GLRA3: variants seen among roughly 807,000 people sequenced by gnomAD.
GLRA3 encodes glycine receptor alpha 3.
Under a neutral mutation model 60.4 loss-of-function variants are expected in GLRA3, and 44 were observed. The ratio of observed to expected loss-of-function variants is 0.73; its 90% CI spans 0.57 to 0.94. The LOEUF is 0.94. Among genes scored for constraint, GLRA3 ranks in the 40% least tolerant of loss-of-function variants. The pLI, the probability that GLRA3 is intolerant of heterozygous loss-of-function variation, is 0.00. For missense variants in GLRA3, 508 were observed against 564.6 expected (o/e 0.90, Z 1.02); for synonymous variants, 223 against 192.9 (o/e 1.16, Z -1.29).
chr4:174,679,333 C>G (rs1003346840), intron 6 of GLRA3, among the ~76,000 whole-genome samples: 1 of 151,620 alleles, frequency 6.6e-6, no homozygotes, highest in African/African-American at 2.4e-5. Context: ...AAAAACAAAA[C>G]AAAACAAAGC....
chr4:174,733,782 G>C (rs138641320), intron 3 of GLRA3, among the ~76,000 whole-genome samples: 71 of 152,240 alleles, frequency 4.7e-4, no homozygotes, highest in African/African-American at 1.6e-3. Context: ...GGCCCTGCAT[G>C]GGATGCTGTG....
intron 1 of GLRA3, among the ~76,000 whole-genome samples, chr4:174,821,823 T>G (rs977960192): frequency 4.6e-5 from 7 of 152,198 alleles, no homozygotes; most frequent in African/African-American, 1.4e-4. Flanking sequence ...AGTTAATATC[T>G]TCTAAGGAGA....
chr4:174,742,284 G>T (rs6553815), intron 3 of GLRA3, among the ~76,000 whole-genome samples: 30,113 of 151,924 alleles, frequency 0.2, 4,394 homozygotes, highest in African/African-American at 0.42. Flanking sequence ...TATTATTCGA[G>T]GTTTTTAATA....
intron 3 of GLRA3, among the ~76,000 whole-genome samples, chr4:174,757,825 T>C (rs1214980172): frequency 3.9e-5 from 6 of 152,160 alleles, no homozygotes; most frequent in African/African-American, 1.2e-4. Context: ...ACAGTTTGGA[T>C]ATTTGCCCCT....
chr4:174,728,761 A>T (rs961849993), intron 3 of GLRA3, 63 bp from the exon 4 acceptor site: 6 of 1,037,564 alleles, frequency 5.8e-6, no homozygotes, highest in Non-Finnish European at 1.4e-6. Flanking sequence ...TAAAATCCAT[A>T]GTGTCAGTGT....
intron 3 of GLRA3, among the ~76,000 whole-genome samples, chr4:174,742,512 T>C (rs942648568): frequency 1.3e-5 from 2 of 152,144 alleles, no homozygotes; most frequent in Non-Finnish European, 2.9e-5. Flanking sequence ...AAATAGCCAC[T>C]GGGCTTTTAC....
At chr4:174,773,973 C>T (rs1388228339) in intron 2 of GLRA3, among the ~76,000 whole-genome samples, 5 of 110,592 alleles carry the variant, frequency 4.5e-5, no homozygotes, top group South Asian at 3.1e-4. Context: ...TGTACACCCA[C>T]AATAGGGAAG....
intron 4 of GLRA3, among the ~76,000 whole-genome samples, chr4:174,716,437 G>T (rs1271106322): frequency 6.6e-6 from 1 of 152,120 alleles, no homozygotes; most frequent in East Asian, 1.9e-4. Context: ...TGCTGGAAAA[G>T]CATTCTACCC....
At chr4:174,699,968 T>C (rs1443869923) in intron 5 of GLRA3, among the ~76,000 whole-genome samples, 1 of 152,038 alleles carries the variant, frequency 6.6e-6, no homozygotes, top group Non-Finnish European at 1.5e-5. Flanking sequence ...ACTCCCAGGA[T>C]ATGTTTTCTG....
chr4:174,712,841 A>T (rs1462478131), intron 5 of GLRA3: 2 of 152,082 alleles, frequency 1.3e-5, no homozygotes, highest in Non-Finnish European at 2.9e-5. Flanking sequence ...TGTTCTTAAA[A>T]CATGCATATA....
At chr4:174,731,856 T>A (rs1193854745) in intron 3 of GLRA3, among the ~76,000 whole-genome samples, 1 of 152,162 alleles carries the variant, frequency 6.6e-6, no homozygotes, top group African/African-American at 2.4e-5. Flanking sequence ...CACAACATTT[T>A]ACTAGGCAGG....
rs1485535917 is a variant in GLRA3, at chr4:174,829,001, G to GT, written c.-191dup. On this transcript the variant is annotated 5_prime_UTR_variant, in exon 1 of 10. Coordinates refer to ENST00000274093, the MANE Select transcript of GLRA3 (RefSeq NM_006529.4). ...TCTCAGCATTGAGCAGAAGTGGAGA[G>GT]TCACAGTGTTATAAATGTGCAGGTG... is the stretch of plus-strand genomic sequence containing the variant. The GT allele has an allele frequency of 1.8e-6, 1 of 567,410 alleles. No individual in the cohort carries two copies. Among genetic ancestry groups the GT allele is most frequent in the Non-Finnish European group, 3.2e-6 (1 of 316,742 alleles). The allele number at this position is 567,410 out of a possible 1,614,324, so 35.1% of individuals were successfully genotyped here. A position where few individuals can be genotyped will look rare whatever the true frequency, so the allele number is the denominator to read the frequency against.
intron 5 of GLRA3, among the ~76,000 whole-genome samples, chr4:174,685,214 C>A (rs931681766): frequency 6.6e-6 from 1 of 151,826 alleles, no homozygotes; most frequent in African/African-American, 2.4e-5. Context: ...TGATCACCTT[C>A]CACCCTCCCC....
intron 1 of GLRA3, among the ~76,000 whole-genome samples, chr4:174,819,047 G>A (rs914436982): frequency 1.3e-5 from 2 of 152,042 alleles, no homozygotes; most frequent in Non-Finnish European, 1.5e-5. Context: ...AAACTTGTAC[G>A]TCTCTTTTTT....
intron 5 of GLRA3, among the ~76,000 whole-genome samples, chr4:174,684,251 T>C (rs1734468016): frequency 6.6e-6 from 1 of 151,140 alleles, no homozygotes; most frequent in African/African-American, 2.4e-5. Flanking sequence ...TTCCCCCTCA[T>C]GAAAATAAAT....
At chr4:174,677,805 A>G (rs1241583232) in intron 6 of GLRA3, among the ~76,000 whole-genome samples, 1 of 152,244 alleles carries the variant, frequency 6.6e-6, no homozygotes, top group African/African-American at 2.4e-5. Flanking sequence ...AGGAAATAGT[A>G]GGAAACTTTA....
chr4:174,766,872 C>A, intron 3 of GLRA3, 91 bp downstream of exon 3: 1 of 656,092 alleles, frequency 1.5e-6, no homozygotes. Flanking sequence ...TCTTGTTATA[C>A]TAATTTGGGT....
rs186824018 is a variant in GLRA3, at chr4:174,647,344, C to T, written c.1117-3280G>A. ...GATTGCTTGAACCGGGAAGCAGAGG[C>T]TGCAGTAAGCTAAGATCGCGCCACT... On this transcript the variant is annotated intron_variant, in intron 9 of 9. Transcript: ENST00000274093. Among the ~76,000 whole-genome samples, 11 of 150,756 alleles carry T rather than the reference C, an allele frequency of 7.3e-5. No homozygotes were observed. The East Asian group carries it at 2.0e-3, about 27-fold the overall frequency.
chr4:174,691,584 G>A (rs912597402), intron 5 of GLRA3, among the ~76,000 whole-genome samples: 8 of 152,346 alleles, frequency 5.3e-5, no homozygotes, highest in Admixed American at 3.3e-4. Flanking sequence ...GGTGGAGACG[G>A]GGTTTCGCTG....
Sources: allele counts gnomAD v4.1 joint callset (sites outside exome capture counted in the v4.1 genomes callset), GRCh38; gene constraint gnomAD v4.1.1; transcripts MANE v1.5; gene names NCBI Gene and HGNC (gene_info 2026-07-23, HGNC 2026-07-21).